ESR1: variants seen among roughly 807,000 people sequenced by gnomAD.
The protein encoded by ESR1 is estrogen receptor 1.
In ESR1, 12 loss-of-function variants were observed where a neutral mutation model predicts 52.7. The ratio of observed to expected loss-of-function variants is 0.23; its 90% CI spans 0.15 to 0.37. The LOEUF is 0.37. Among genes scored for constraint, ESR1 ranks in the 10% least tolerant of loss-of-function variants. ESR1 has a pLI of 1.00. For missense variants in ESR1, 584 were observed against 779.7 expected, an observed-to-expected ratio of 0.75 and a Z score of 2.99; for synonymous variants, 305 against 316.8, an observed-to-expected ratio of 0.96 and a Z score of 0.39.
At chr6:152,028,870 G>A (rs1442391678) in intron 5 of ESR1, among the ~76,000 whole-genome samples, 1 of 152,194 alleles carries the variant, frequency 6.6e-6, no homozygotes, top group Non-Finnish European at 1.5e-5. Context: ...TGACCCCCGA[G>A]TAGCCTAACT....
chr6:151,918,343 A>G (rs1344650077), intron 3 of ESR1, among the ~76,000 whole-genome samples: 2 of 152,180 alleles, frequency 1.3e-5, no homozygotes, highest in Non-Finnish European at 2.9e-5. Context: ...GGTATGATTG[A>G]GTTCTAATTT....
At chr6:151,892,680 G>C (rs1051749394) in intron 3 of ESR1, among the ~76,000 whole-genome samples, 4 of 149,786 alleles carry the variant, frequency 2.7e-5, no homozygotes, top group African/African-American at 9.9e-5. Context: ...TTTCTGCCTT[G>C]TGGAAAGAGA....
chr6:151,976,020 T>C (rs2128653257), intron 4 of ESR1, among the ~76,000 whole-genome samples: 1 of 152,284 alleles, frequency 6.6e-6, no homozygotes, highest in African/African-American at 2.4e-5. Flanking sequence ...GCTTCAGATA[T>C]ATAATATTAC....
intron 2 of ESR1, among the ~76,000 whole-genome samples, chr6:151,872,642 A>T (rs1791170209): frequency 6.6e-6 from 1 of 152,174 alleles, no homozygotes; most frequent in Non-Finnish European, 1.5e-5. Flanking sequence ...GCTTTTAGTG[A>T]GTTCCAATGA....
At chr6:152,123,533 G>A (rs952019140) in intron 6 of ESR1, among the ~76,000 whole-genome samples, 1 of 152,168 alleles carries the variant, frequency 6.6e-6, no homozygotes, top group African/African-American at 2.4e-5. Context: ...AGGACTGCCT[G>A]GAAAATACAG....
At chr6:152,006,352 A>G (rs1249959355) in intron 4 of ESR1, among the ~76,000 whole-genome samples, 1 of 152,024 alleles carries the variant, frequency 6.6e-6, no homozygotes, top group Non-Finnish European at 1.5e-5. Flanking sequence ...CATAGCTTTA[A>G]TGAGTCTGCA....
rs1340533809 is a variant in ESR1, at chr6:151,808,156, C to A, written c.244C>A (p.Pro82Thr). 44 of 1,596,802 alleles carry A rather than the reference C, an allele frequency of 2.8e-5. No homozygotes were observed. Among genetic ancestry groups the A allele is most frequent in the Non-Finnish European group, 3.7e-5 (43 of 1,172,160 alleles). Reference protein sequence around the residue: ...VYGQTGLPYGPGSEAAAFGSN... With the variant: ...VYGQTGLPYGTGSEAAAFGSN... ...CGGTCAGACCGGCCTCCCCTACGGC[C>A]CCGGGTCTGAGGCTGCGGCGTTCGG... The change falls in exon 1 of 8, where the codon CCC becomes ACC. Residue 82 changes from proline to threonine, a missense_variant. Around this residue, in one of 6 missense-constraint regions of ESR1, gnomAD observed 251 missense variants for 246.1 expected, o/e 1.02. Transcript: ENST00000206249.
At chr6:151,899,872 A>G (rs984439361) in intron 3 of ESR1, among the ~76,000 whole-genome samples, 70 of 148,892 alleles carry the variant, frequency 4.7e-4, no homozygotes, top group Non-Finnish European at 8.9e-4. Context: ...CACTTCCTAG[A>G]TGGGATGGCG....
intron 2 of ESR1, among the ~76,000 whole-genome samples, chr6:151,737,483 C>A (rs1266854677): frequency 6.6e-6 from 1 of 152,104 alleles, no homozygotes; most frequent in African/African-American, 2.4e-5. Flanking sequence ...GAAAAAGTTT[C>A]TCATATCAAT....
At chr6:151,727,328 A>G (rs1244516725) in intron 2 of ESR1, among the ~76,000 whole-genome samples, 1 of 151,776 alleles carries the variant, frequency 6.6e-6, no homozygotes, top group African/African-American at 2.4e-5. Context: ...CAGTCTCCCG[A>G]GTAGCTGGGA....
chr6:152,004,760 C>T lies in ESR1; in HGVS notation c.1097-6896C>T, dbSNP rs564559671. On this transcript the variant is annotated intron_variant, in intron 4 of 7. Coordinates refer to ENST00000206249, the MANE Select transcript of ESR1 (RefSeq NM_000125.4). ...ACATTACATAAAGTAATACACAGTG[C>T]TGTTATCAGATTGCATAGTCAAAGT... 8.6e-5 allele frequency among the ~76,000 whole-genome samples: 13 copies of T among 152,002 alleles called. No homozygotes were observed. The South Asian group carries it at 2.1e-3, about 24-fold the overall frequency.
rs1179313333 is a variant in ESR1, at chr6:152,098,573, C to A, written c.1554-159C>A. Among the ~76,000 whole-genome samples, 1 of 152,076 alleles carries A rather than the reference C, an allele frequency of 6.6e-6. No individual in the cohort carries two copies. The highest frequency in any genetic ancestry group is 1.5e-5 in the Non-Finnish European group (1 of 68,008). ...GATTAGGGCTTCTGAAAGCCCTCAG[C>A]TTTCCCAGCTCCCATCCTAAAGTGG... On this transcript the variant is annotated intron_variant, in intron 7 of 7. Transcript: ENST00000206249. This position sits in a 1 kb window ranked among gnomAD's most constrained non-coding sequence, Gnocchi z 5.1.
At position 151,774,665 on chromosome 6, in the gene ESR1, A is replaced by G. The variant is rs777349531; in HGVS notation, c.-70-33178A>G. ...TAGAGATGATCCATTTAGATAGTCT[A>G]TATTAAGGGAAAGTATCCTTCATCC... On this transcript the variant is annotated intron_variant, in intron 2 of 2. Transcript: ENST00000404742. Among the ~76,000 whole-genome samples the G allele has an allele frequency of 3.7e-4, 56 of 152,348 alleles. 1 individual carries two copies. Among genetic ancestry groups the G allele is most frequent in the Non-Finnish European group, 7.1e-4 (48 of 68,036 alleles).
At chr6:151,791,352 T>C (rs1040779144) in intron 2 of ESR1, among the ~76,000 whole-genome samples, 3 of 152,168 alleles carry the variant, frequency 2.0e-5, no homozygotes, top group Non-Finnish European at 4.4e-5. Context: ...GTTTTATAAA[T>C]GGGAGTTCTC....
At position 151,943,057 on chromosome 6, in the gene ESR1, A is replaced by T. The variant is rs114395451; in HGVS notation, c.761-1116A>T. ...TCCCCCCTCTTCACCCCATTTCGTAATTTAGTTAGTGAGAACCACAACTGG... is the reference window on the plus strand; with the variant it reads ...TCCCCCCTCTTCACCCCATTTCGTATTTTAGTTAGTGAGAACCACAACTGG... On this transcript the variant is annotated intron_variant, in intron 3 of 7. Coordinates refer to ENST00000206249, the MANE Select transcript of ESR1 (RefSeq NM_000125.4). 7.6e-3 allele frequency among the ~76,000 whole-genome samples: 1,154 copies of T among 152,206 alleles called. 15 individuals carry two copies. The highest frequency in any genetic ancestry group is 0.027 in the African/African-American group (1,104 of 41,524).
chr6:151,658,398 A>T (rs893840795), intron 1 of ESR1, among the ~76,000 whole-genome samples: 1 of 152,200 alleles, frequency 6.6e-6, no homozygotes, highest in South Asian at 2.1e-4. Flanking sequence ...ACTCACACAC[A>T]GCACACCAGT....
At chr6:152,105,768 T>C (rs2051058060), downstream of ESR1, among the ~76,000 whole-genome samples, 1 of 145,412 alleles carries the variant, frequency 6.9e-6, no homozygotes, top group Admixed American at 7.2e-5. Context: ...GATTGCTCAG[T>C]ATGCATCTTT....
At chr6:151,817,249 C>T (rs571509696) in intron 1 of ESR1, among the ~76,000 whole-genome samples, 9 of 152,260 alleles carry the variant, frequency 5.9e-5, no homozygotes, top group East Asian at 1.9e-4. Context: ...TGCTCTGGGT[C>T]GAAGCTTGAA....
At chr6:151,715,566 A>C (rs969843280) in intron 2 of ESR1, among the ~76,000 whole-genome samples, 2 of 151,952 alleles carry the variant, frequency 1.3e-5, no homozygotes, top group African/African-American at 4.8e-5. Flanking sequence ...TCTTGTCTTC[A>C]TGCTTTATTT....
Sources: gnomAD v4.1 joint callset for allele counts (sites outside exome capture counted in the v4.1 genomes callset) on GRCh38, gnomAD v4.1.1 for gene constraint, gnomAD v4.1.1 regional missense constraint, Gnocchi (gnomAD v3.1) non-coding constraint, MANE v1.5 for transcripts, NCBI Gene and HGNC (gene_info 2026-07-23, HGNC 2026-07-21) for gene names.